Variants in GRM7 observed in about 807,000 individuals in gnomAD.
The protein encoded by GRM7 is glutamate metabotropic receptor 7.
GRM7 carries 35 observed loss-of-function variants against 84.5 expected under a neutral mutation model. The ratio of observed to expected loss-of-function variants is 0.41; its 90% CI spans 0.32 to 0.55. The LOEUF (loss-of-function observed/expected upper bound fraction) is 0.55. GRM7 is among the 20% of genes least tolerant of loss of function. The pLI, the probability that GRM7 is intolerant of heterozygous loss-of-function variation, is 0.19. For synonymous variants in GRM7, 487 were observed against 455.1 expected (o/e 1.07, Z -0.89); for missense variants, 1,003 against 1,194.6 (o/e 0.84, Z 2.36).
chr3:7,414,904 C>A, intron 4 of GRM7, 119 bp from the exon 5 acceptor site: 2 of 595,324 alleles, frequency 3.4e-6, no homozygotes, highest in East Asian at 3.4e-5. Context: ...TTTTTTCGGT[C>A]GACACACAAG....
At chr3:7,346,960 C>T (rs1333736024) in intron 4 of GRM7, among the ~76,000 whole-genome samples, 1 of 152,084 alleles carries the variant, frequency 6.6e-6, no homozygotes, top group Non-Finnish European at 1.5e-5. Flanking sequence ...TGTGCTATAC[C>T]TACACTTTCT....
intron 7 of GRM7, among the ~76,000 whole-genome samples, chr3:7,539,868 A>C (rs1253791612): frequency 6.6e-6 from 1 of 152,128 alleles, no homozygotes; most frequent in Non-Finnish European, 1.5e-5. Flanking sequence ...GAATCATTAA[A>C]ATATTGTGTG....
intron 1 of GRM7, among the ~76,000 whole-genome samples, chr3:6,996,197 C>T (rs938243553): frequency 2.0e-5 from 3 of 151,924 alleles, no homozygotes; most frequent in Non-Finnish European, 2.9e-5. Context: ...TACAGGCGCC[C>T]GCCACCAAGC....
intron 4 of GRM7, among the ~76,000 whole-genome samples, chr3:7,330,090 T>C (rs1701142166): frequency 2.0e-5 from 3 of 152,126 alleles, no homozygotes; most frequent in South Asian, 2.1e-4. Flanking sequence ...GGTTGAGGCA[T>C]GGGGTATCCA....
At chr3:7,451,794 A>G (rs1050414721) in intron 5 of GRM7, 8 of 152,212 alleles carry the variant, frequency 5.3e-5, no homozygotes, top group Admixed American at 2.6e-4. Context: ...AGTTGTTATC[A>G]TTATTAGGCA....
chr3:7,690,134 C>G (rs535865081), intron 9 of GRM7, among the ~76,000 whole-genome samples: 4 of 152,204 alleles, frequency 2.6e-5, no homozygotes, highest in Admixed American at 2.6e-4. Context: ...TGTTCTGGTA[C>G]TAGAAAGCAG....
At chr3:7,033,507 T>C (rs1696265477) in intron 1 of GRM7, among the ~76,000 whole-genome samples, 1 of 152,214 alleles carries the variant, frequency 6.6e-6, no homozygotes, top group Non-Finnish European at 1.5e-5. Flanking sequence ...GTAAAACTTC[T>C]TCTCATGCTC....
At chr3:7,083,704 C>T (rs1266216031) in intron 1 of GRM7, among the ~76,000 whole-genome samples, 1 of 152,120 alleles carries the variant, frequency 6.6e-6, no homozygotes, top group Non-Finnish European at 1.5e-5. Context: ...GGCCAAGTCT[C>T]TGTTCTTGTG....
At chr3:7,243,105 C>G (rs1459952275) in intron 2 of GRM7, among the ~76,000 whole-genome samples, 1 of 152,118 alleles carries the variant, frequency 6.6e-6, no homozygotes, top group Non-Finnish European at 1.5e-5. Context: ...ACTGGGCTAA[C>G]ATTTTGAGGT....
chr3:6,885,468 A>C (rs972196357), intron 1 of GRM7, among the ~76,000 whole-genome samples: 1 of 152,226 alleles, frequency 6.6e-6, no homozygotes, highest in African/African-American at 2.4e-5. Context: ...ATGATAAACC[A>C]AGATGGCACA....
chr3:7,377,243 G>A (rs1463481933), intron 4 of GRM7, among the ~76,000 whole-genome samples: 4 of 152,128 alleles, frequency 2.6e-5, no homozygotes, highest in African/African-American at 9.7e-5. Flanking sequence ...ATAAATTCAA[G>A]TCAAATGTGT....
intron 8 of GRM7, among the ~76,000 whole-genome samples, chr3:7,584,262 T>G (rs985204078): frequency 6.6e-6 from 1 of 152,354 alleles, no homozygotes; most frequent in African/African-American, 2.4e-5. Context: ...TTTCGAACAA[T>G]GTGAATTCCA....
intron 2 of GRM7, among the ~76,000 whole-genome samples, chr3:7,256,187 T>G (rs1037492103): frequency 2.6e-5 from 4 of 152,148 alleles, no homozygotes; most frequent in African/African-American, 9.7e-5. Context: ...TCAGGGCTCT[T>G]CTCAACTATC....
intron 1 of GRM7, among the ~76,000 whole-genome samples, chr3:6,995,711 T>C (rs1262115876): frequency 6.6e-6 from 1 of 152,178 alleles, no homozygotes; most frequent in East Asian, 1.9e-4. Flanking sequence ...GCTGAACATT[T>C]AGAAATTTTC....
chr3:7,384,496 A>G (rs1694710018), intron 4 of GRM7, among the ~76,000 whole-genome samples: 1 of 152,228 alleles, frequency 6.6e-6, no homozygotes, highest in Non-Finnish European at 1.5e-5. Context: ...TCTAGTAGCC[A>G]TATTTTAAAA....
intron 2 of GRM7, among the ~76,000 whole-genome samples, chr3:7,295,124 G>C (rs1268316972): frequency 1.3e-5 from 2 of 151,974 alleles, no homozygotes; most frequent in African/African-American, 4.8e-5. Context: ...TATTCTAAAA[G>C]TTTTCTAGCT....
intron 1 of GRM7, among the ~76,000 whole-genome samples, chr3:6,896,367 A>G (rs1696182865): frequency 6.6e-6 from 1 of 152,174 alleles, no homozygotes; most frequent in Non-Finnish European, 1.5e-5. Flanking sequence ...AATAATTTTT[A>G]CCTATCATTT....
chr3:7,622,030 T>A (rs1006931325), intron 8 of GRM7, among the ~76,000 whole-genome samples: 1 of 152,148 alleles, frequency 6.6e-6, no homozygotes, highest in African/African-American at 2.4e-5. Flanking sequence ...CTCTCAGCAT[T>A]CGCAGTCCTG....
At chr3:7,679,901 G>C in intron 8 of GRM7, 148 bp from the exon 9 acceptor site, 2 of 671,762 alleles carry the variant, frequency 3.0e-6, no homozygotes, top group Non-Finnish European at 5.1e-6. Context: ...TAACTGTGCA[G>C]AGTTATTGTG....
Sources: allele counts gnomAD v4.1 joint callset (sites outside exome capture counted in the v4.1 genomes callset), GRCh38; gene constraint gnomAD v4.1.1; transcripts MANE v1.5; gene names NCBI Gene and HGNC (gene_info 2026-07-23, HGNC 2026-07-21).